The following CACNA2D3 variants were observed in gnomAD, a reference collection of about 807,000 sequenced individuals.
CACNA2D3 encodes voltage-dependent calcium channel subunit alpha-2/delta-3.
Under a neutral mutation model 160.6 loss-of-function variants are expected in CACNA2D3, and 60 were observed. That is an observed-to-expected ratio of 0.37 (90% confidence interval 0.30 to 0.46). The LOEUF is 0.46. CACNA2D3 is among the 20% of genes least tolerant of loss of function. The pLI is 1.00. For synonymous variants in CACNA2D3, 558 were observed against 492.9 expected, an observed-to-expected ratio of 1.13 and a Z score of -1.75; for missense variants, 1,205 against 1,365.0, an observed-to-expected ratio of 0.88 and a Z score of 1.85.
In CACNA2D3 at chr3:55,073,437, T is replaced by C; in HGVS notation, c.2988-8T>C. 6.2e-7 allele frequency: 1 copy of C among 1,601,904 alleles called. No homozygotes were observed. Among genetic ancestry groups the C allele is most frequent in the Non-Finnish European group, 8.6e-7 (1 of 1,168,838 alleles). On this transcript the variant is annotated splice_region_variant and splice_polypyrimidine_tract_variant and intron_variant, in intron 35 of 37. Coordinates refer to ENST00000474759, the MANE Select transcript of CACNA2D3 (RefSeq NM_018398.3). ...AAATGACTGCCTCGCTACCTCTTGTTCCAACAGGTCCTTTGTCATCCAGCA... is the reference window on the plus strand; with the variant it reads ...AAATGACTGCCTCGCTACCTCTTGTCCCAACAGGTCCTTTGTCATCCAGCA...
intron 5 of CACNA2D3, among the ~76,000 whole-genome samples, chr3:54,510,460 A>C (rs1273663875): frequency 6.6e-6 from 1 of 152,208 alleles, no homozygotes; most frequent in East Asian, 1.9e-4. Context: ...GGCAAAACTC[A>C]AAGGCATCAC....
intron 3 of CACNA2D3, among the ~76,000 whole-genome samples, chr3:54,356,803 G>T (rs1313953258): frequency 1.3e-5 from 2 of 152,120 alleles, no homozygotes; most frequent in African/African-American, 4.8e-5. Flanking sequence ...TCCATCATCA[G>T]TGTTTTTTAA....
intron 2 of CACNA2D3, among the ~76,000 whole-genome samples, chr3:54,193,758 A>G (rs62252187): frequency 0.068 from 10,335 of 152,172 alleles, 412 homozygotes; most frequent in Non-Finnish European, 0.078. Flanking sequence ...CTGAATTACA[A>G]TGTGTTGTTG....
At chr3:54,729,547 C>T (rs1247752515) in intron 11 of CACNA2D3, among the ~76,000 whole-genome samples, 1 of 152,202 alleles carries the variant, frequency 6.6e-6, no homozygotes, top group Non-Finnish European at 1.5e-5. Context: ...TGGCAGACAT[C>T]TGGATGCAGC....
intron 11 of CACNA2D3, among the ~76,000 whole-genome samples, chr3:54,705,254 C>T (rs554121857): frequency 6.6e-6 from 1 of 152,288 alleles, no homozygotes; most frequent in East Asian, 1.9e-4. Context: ...CTCTAGGGGT[C>T]ACATTATTTC....
At chr3:54,403,568 C>A (rs901821819) in intron 4 of CACNA2D3, among the ~76,000 whole-genome samples, 2 of 151,786 alleles carry the variant, frequency 1.3e-5, no homozygotes, top group African/African-American at 4.8e-5. Context: ...AAATAAGTAG[C>A]CCAACATTAC....
At chr3:54,826,200 C>T (rs1366731835) in intron 14 of CACNA2D3, among the ~76,000 whole-genome samples, 2 of 152,116 alleles carry the variant, frequency 1.3e-5, no homozygotes, top group Admixed American at 6.5e-5. Context: ...CTGGTCACAT[C>T]CCCAATTAAT....
chr3:54,758,501 T>C (rs1575460663), intron 12 of CACNA2D3, among the ~76,000 whole-genome samples: 1 of 152,152 alleles, frequency 6.6e-6, no homozygotes, highest in Non-Finnish European at 1.5e-5. Flanking sequence ...TGCTTGTTTT[T>C]TGTGAAGTCA....
At position 54,848,029 on chromosome 3, in the gene CACNA2D3, G is replaced by A. The variant is rs867560811; in HGVS notation, c.1626+1562G>A. Among the ~76,000 whole-genome samples, 4 of 152,184 alleles carry A rather than the reference G, an allele frequency of 2.6e-5. No homozygotes were observed. In the South Asian group the frequency reaches 8.3e-4, roughly 32 times the overall value. ...AAAAATGAAATGGAATCAGATGTCA[G>A]AAGTCACCAAGGTAGCATCTTTCTC... is the stretch of plus-strand genomic sequence containing the variant. On this transcript the variant is annotated intron_variant, in intron 17 of 37. Coordinates refer to ENST00000474759, the MANE Select transcript of CACNA2D3 (RefSeq NM_018398.3).
intron 4 of CACNA2D3, among the ~76,000 whole-genome samples, chr3:54,425,384 C>T (rs1699897458): frequency 6.6e-6 from 1 of 152,158 alleles, no homozygotes. Flanking sequence ...TTTCAAAGGC[C>T]AGGTAGCCAT....
chr3:54,267,652 G>T (rs868545746), intron 2 of CACNA2D3, among the ~76,000 whole-genome samples: 5 of 152,154 alleles, frequency 3.3e-5, no homozygotes, highest in Middle Eastern at 3.2e-3. Flanking sequence ...TGATGTTAAG[G>T]TAAAAGAACA....
At chr3:54,292,294 C>A (rs779873907) in intron 2 of CACNA2D3, among the ~76,000 whole-genome samples, 19 of 151,846 alleles carry the variant, frequency 1.3e-4, no homozygotes, top group Non-Finnish European at 2.6e-4. Flanking sequence ...ATAATGACAG[C>A]AAAAGTATGA....
At chr3:54,918,953 C>T (rs1393447203) in intron 27 of CACNA2D3, 1 of 1,371,472 alleles carries the variant, frequency 7.3e-7, no homozygotes, top group East Asian at 2.5e-5. Flanking sequence ...TTCCAAAATC[C>T]TCTGCCTGCA....
At chr3:54,249,225 G>A (rs541391577) in intron 2 of CACNA2D3, among the ~76,000 whole-genome samples, 4 of 152,260 alleles carry the variant, frequency 2.6e-5, no homozygotes, top group East Asian at 1.9e-4. Flanking sequence ...ACAGAGATGC[G>A]TGCGGGTGCC....
intron 2 of CACNA2D3, among the ~76,000 whole-genome samples, chr3:54,307,581 A>G (rs1291243010): frequency 1.3e-5 from 2 of 152,166 alleles, no homozygotes; most frequent in Non-Finnish European, 2.9e-5. Flanking sequence ...TTCCCCAATG[A>G]AAAGCTAGGG....
chr3:54,463,377 A>G (rs1206372311), intron 4 of CACNA2D3, among the ~76,000 whole-genome samples: 2 of 152,180 alleles, frequency 1.3e-5, no homozygotes, highest in East Asian at 1.9e-4. Context: ...GTGTTTTCCA[A>G]CTTGGTTCCA....
intron 5 of CACNA2D3, among the ~76,000 whole-genome samples, chr3:54,517,765 G>GC (rs1404627811): frequency 6.6e-5 from 10 of 152,270 alleles, no homozygotes; most frequent in South Asian, 2.1e-4. Flanking sequence ...CCCCAAGGCT[G>GC]CCTTGCCTTG....
intron 2 of CACNA2D3, among the ~76,000 whole-genome samples, chr3:54,308,880 T>C (rs1703668544): frequency 1.3e-5 from 2 of 152,170 alleles, no homozygotes; most frequent in Admixed American, 1.3e-4. Context: ...ATCAGAAAAA[T>C]GTGTTTGAAA....
intron 33 of CACNA2D3, among the ~76,000 whole-genome samples, chr3:55,008,774 G>A (rs1397769068): frequency 6.6e-6 from 1 of 152,004 alleles, no homozygotes; most frequent in Non-Finnish European, 1.5e-5. Flanking sequence ...TCATCCACTG[G>A]AGGATAATTT....
Sources: allele counts gnomAD v4.1 joint callset (sites outside exome capture counted in the v4.1 genomes callset), GRCh38; gene constraint gnomAD v4.1.1; transcripts MANE v1.5; gene names NCBI Gene and HGNC (gene_info 2026-07-23, HGNC 2026-07-21).